Variants in TBK1 observed in about 807,000 individuals in gnomAD.
TBK1 encodes serine/threonine-protein kinase TBK1.
Under a neutral mutation model 99.9 loss-of-function variants are expected in TBK1, and 37 were observed. That is an observed-to-expected ratio of 0.37 (90% CI 0.28 to 0.49). TBK1 has a LOEUF of 0.49. Ranked by LOEUF, TBK1 falls within the 20% of genes least tolerant of loss-of-function variation. The probability of loss-of-function intolerance (pLI) is 0.98; values close to 1 mark genes in which losing one functional copy is unlikely to be tolerated. For synonymous variants in TBK1, 258 were observed against 279.8 expected (o/e 0.92, Z 0.78); for missense variants, 644 against 872.5 (o/e 0.74, Z 3.30).
Position 64,485,452 on chromosome 12 carries a change from C to CA in TBK1, c.1190-2dup. On this transcript the variant is annotated splice_region_variant and splice_polypyrimidine_tract_variant and intron_variant, in intron 9 of 20. Coordinates refer to ENST00000331710, the MANE Select transcript of TBK1 (RefSeq NM_013254.4). ...TCTCATTTTATTTTACTTCATATTTCAGTTTCCCTCCCTAAAGTACATCCA... is the reference window on the plus strand; with the variant it reads ...TCTCATTTTATTTTACTTCATATTTCAAGTTTCCCTCCCTAAAGTACATCCA... 2 of 1,503,860 alleles carry CA rather than the reference C, an allele frequency of 1.3e-6. No homozygotes were observed. Among genetic ancestry groups the CA allele is most frequent in the Non-Finnish European group, 1.8e-6 (2 of 1,100,240 alleles). 93.2% of individuals were successfully genotyped at this position (1,503,860 alleles called of 1,614,324 possible).
At chr12:64,463,205 A>G (rs923460675) in intron 3 of TBK1, among the ~76,000 whole-genome samples, 1 of 151,846 alleles carries the variant, frequency 6.6e-6, no homozygotes. Flanking sequence ...CCCCGTCTCT[A>G]CTAAAAATAC....
At chr12:64,461,074 T>C (rs1237984762) in intron 3 of TBK1, among the ~76,000 whole-genome samples, 2 of 149,174 alleles carry the variant, frequency 1.3e-5, no homozygotes, top group Non-Finnish European at 3.0e-5. Flanking sequence ...AGTGAGACCC[T>C]GTCTCAAAAA....
intron 13 of TBK1, among the ~76,000 whole-genome samples, chr12:64,491,178 T>G (rs954368047): frequency 6.6e-6 from 1 of 152,140 alleles, no homozygotes; most frequent in African/African-American, 2.4e-5. Context: ...CTCCCAGACC[T>G]GCCCCATTTA....
At chr12:64,476,148 T>G (rs376076700) in intron 6 of TBK1, among the ~76,000 whole-genome samples, 156 of 140,926 alleles carry the variant, frequency 1.1e-3, no homozygotes, top group African/African-American at 3.6e-3. Flanking sequence ...TTGCGTAGTC[T>G]TCTTTTTTTT....
At chr12:64,488,701 T>A in intron 12 of TBK1, 113 bp downstream of exon 12, 1 of 798,958 alleles carries the variant, frequency 1.3e-6, no homozygotes, top group Non-Finnish European at 2.0e-6. Flanking sequence ...GGGTTTCTAT[T>A]AAAGATCAGC....
At chr12:64,468,509 T>C (rs1035693472) in intron 5 of TBK1, among the ~76,000 whole-genome samples, 5 of 149,772 alleles carry the variant, frequency 3.3e-5, no homozygotes, top group Non-Finnish European at 7.4e-5. Context: ...AAAAAAAAAG[T>C]ACCTAAAAAT....
intron 6 of TBK1, among the ~76,000 whole-genome samples, chr12:64,478,576 G>A (rs1034840712): frequency 7.2e-5 from 11 of 152,308 alleles, no homozygotes; most frequent in Middle Eastern, 3.4e-3. Flanking sequence ...TTGGTTGGAG[G>A]AAGTAAAACA....
chr12:64,481,941 T>C lies in TBK1; in HGVS notation c.912T>C (p.Asp304=), dbSNP rs777932551. 8 of 1,611,288 alleles carry C rather than the reference T, an allele frequency of 5.0e-6. No homozygotes were observed. In the East Asian group the frequency reaches 6.7e-5, roughly 14 times the overall value. ...ACCAGTTTTTTGCAGAAACTAGTGA[T>C]ATACTTCACCGAATGGTAATTCATG... ...GFDQFFAETS[D]ILHRMVIHVF... The change falls in exon 8 of 21, where the codon GAT becomes GAC. Residue 304 remains aspartate, a synonymous_variant. Coordinates refer to ENST00000331710, the MANE Select transcript of TBK1 (RefSeq NM_013254.4).
rs1415288599 is a variant in TBK1 at position 64,497,671 on chromosome 12, A to G, written c.1983A>G (p.Lys661=). Residue 661 remains lysine, a synonymous_variant, in exon 19 of 21, where the codon AAA becomes AAG. Coordinates refer to ENST00000331710, the MANE Select transcript of TBK1 (RefSeq NM_013254.4). ...AGTTACAAGAAACTCTGCCTCAGAA[A>G]ATGTTTACAGCTTCCAGTGGAATCA... The part of the protein sequence containing the change: ...TNELQETLPQ[K]MFTASSGIKH... The G allele has an allele frequency of 1.3e-6, 2 of 1,590,472 alleles. No individual in the cohort carries two copies. Among genetic ancestry groups the G allele is most frequent in the Non-Finnish European group, 8.5e-7 (1 of 1,172,986 alleles).
intron 11 of TBK1, among the ~76,000 whole-genome samples, chr12:64,487,080 C>T (rs1442562416): frequency 6.6e-6 from 1 of 152,090 alleles, no homozygotes; most frequent in Non-Finnish European, 1.5e-5. Context: ...TAGTTTCTTC[C>T]TGAAAGTGAC....
intron 2 of TBK1, among the ~76,000 whole-genome samples, chr12:64,458,498 C>G (rs1471496938): frequency 1.5e-5 from 2 of 131,188 alleles, no homozygotes; most frequent in African/African-American, 5.4e-5. Context: ...TTGATCTGCA[C>G]ATATGGATAT....
At chr12:64,478,461 T>A (rs572650077) in intron 6 of TBK1, among the ~76,000 whole-genome samples, 205 of 152,306 alleles carry the variant, frequency 1.3e-3, no homozygotes, top group African/African-American at 4.7e-3. Context: ...CCTGGCCCTA[T>A]CTTTTATGAA....
Position 64,489,649 on chromosome 12 carries a change from A to C in TBK1, c.1443-392A>C, listed in dbSNP as rs189641762. ...AGTGATGCAATCACTGCTCACTGCAACCTCCGCCTCCCAGGTTCAAGCGAT... is the reference window on the plus strand; with the variant it reads ...AGTGATGCAATCACTGCTCACTGCACCCTCCGCCTCCCAGGTTCAAGCGAT... On this transcript the variant is annotated intron_variant, in intron 12 of 20. Transcript: ENST00000331710. Among the ~76,000 whole-genome samples the C allele has an allele frequency of 1.5e-4, 23 of 150,864 alleles. No individual in the cohort carries two copies. The East Asian group carries it at 4.3e-3, about 28-fold the overall frequency.
Position 64,481,955 on chromosome 12 carries a change from T to C in TBK1, c.926T>C (p.Met309Thr), listed in dbSNP as rs1381192966. The C allele has an allele frequency of 1.2e-6, 2 of 1,609,270 alleles. No homozygotes were observed. The highest frequency in any genetic ancestry group is 1.7e-6 in the Non-Finnish European group (2 of 1,177,818). The change falls in exon 8 of 21, where the codon ATG (methionine) becomes ACG (threonine). Residue 309 changes from methionine (M) to threonine (T), a missense_variant. Coordinates refer to ENST00000331710, the MANE Select transcript of TBK1 (RefSeq NM_013254.4). ...GAAACTAGTGATATACTTCACCGAATGGTAATTCATGTTTTTTCGCTACAA... is the reference window on the plus strand; with the variant it reads ...GAAACTAGTGATATACTTCACCGAACGGTAATTCATGTTTTTTCGCTACAA... ...FAETSDILHRMVIHVFSLQQM... is the reference protein window; with the variant it reads ...FAETSDILHRTVIHVFSLQQM...
chr12:64,463,576 C>T (rs1156998029), intron 3 of TBK1, among the ~76,000 whole-genome samples: 6 of 150,698 alleles, frequency 4.0e-5, no homozygotes, highest in Non-Finnish European at 5.9e-5. Context: ...GGAGCATGCC[C>T]GTAATCCCAG....
At chr12:64,481,486 G>T (rs1231784023) in intron 7 of TBK1, among the ~76,000 whole-genome samples, 1 of 152,132 alleles carries the variant, frequency 6.6e-6, no homozygotes, top group Non-Finnish European at 1.5e-5. Context: ...TCTTGGCACG[G>T]TGGCATACAC....
rs1592377150 is a variant in TBK1 at position 64,497,574 on chromosome 12, G to A, written c.1960-74G>A. 5.0e-6 allele frequency: 5 copies of A among 998,552 alleles called. No individual in the cohort carries two copies. In the East Asian group the frequency reaches 1.3e-4, roughly 26 times the overall value. 61.9% of individuals were successfully genotyped at this position (998,552 alleles called of 1,614,324 possible). ...TTAAAAGCTGTAACACTTGATGTCA[G>A]ATCTGTAGTAAGTACTTTTGTTCTG... On this transcript the variant is annotated intron_variant, in intron 18 of 20. Transcript: ENST00000331710.
intron 11 of TBK1, among the ~76,000 whole-genome samples, chr12:64,487,151 G>A (rs1224479870): frequency 6.6e-6 from 1 of 152,192 alleles, no homozygotes; most frequent in East Asian, 1.9e-4. Flanking sequence ...ATTTATAGAT[G>A]TCATCTTTCC....
At chr12:64,486,438 T>A (rs1187675214) in intron 11 of TBK1, among the ~76,000 whole-genome samples, 3 of 148,854 alleles carry the variant, frequency 2.0e-5, no homozygotes, top group African/African-American at 4.9e-5. Context: ...CACACCGTAT[T>A]TTTTTTTTTT....
Sources: allele counts gnomAD v4.1 joint callset (sites outside exome capture counted in the v4.1 genomes callset), GRCh38; gene constraint gnomAD v4.1.1; transcripts MANE v1.5; gene names NCBI Gene and HGNC (gene_info 2026-07-23, HGNC 2026-07-21).